CDIP1: variants seen among roughly 807,000 people sequenced by gnomAD.
CDIP1 encodes the protein cell death-inducing p53-target protein 1.
CDIP1 carries 9 observed loss-of-function variants against 17.7 expected under a neutral mutation model. The observed-to-expected ratio is 0.51, with a 90% CI of 0.31 to 0.89. The LOEUF (loss-of-function observed/expected upper bound fraction) is 0.89, where lower values mean the gene tolerates loss of function less well. Among genes scored for constraint, CDIP1 ranks in the 40% least tolerant of loss-of-function variants. CDIP1 has a pLI of 0.05. For missense variants in CDIP1, 263 were observed against 277.9 expected, an observed-to-expected ratio of 0.95 and a Z score of 0.38; for synonymous variants, 117 against 109.5, an observed-to-expected ratio of 1.07 and a Z score of -0.43.
Position 4,521,394 on chromosome 16 carries a change from G to A in CDIP1, c.-104-6730C>T, listed in dbSNP as rs186404347. ...ACCCCCACTAGAAGTTAAGGGGTGC[G>A]TATCAGCCAAGTGCAGGGCTGGGAC... On this transcript the variant is annotated intron_variant, in intron 1 of 5. Coordinates refer to ENST00000567695, the MANE Select transcript of CDIP1 (RefSeq NM_013399.3). Among the ~76,000 whole-genome samples, 274 of 152,218 alleles carry A rather than the reference G, an allele frequency of 1.8e-3. 2 individuals carry two copies. The highest frequency in any genetic ancestry group is 5.9e-3 in the African/African-American group (247 of 41,546).
intron 1 of CDIP1, among the ~76,000 whole-genome samples, chr16:4,537,628 T>C (rs1318957053): frequency 1.3e-5 from 2 of 152,182 alleles, no homozygotes; most frequent in Non-Finnish European, 2.9e-5. Flanking sequence ...CGCCCGGGAA[T>C]GATCTGGGGA....
At chr16:4,528,499 C>T (rs1168770983) in intron 1 of CDIP1, among the ~76,000 whole-genome samples, 3 of 151,982 alleles carry the variant, frequency 2.0e-5, no homozygotes, top group Non-Finnish European at 4.4e-5. Context: ...GTAGGCAGCA[C>T]CTTTACATGA....
intron 1 of CDIP1, among the ~76,000 whole-genome samples, chr16:4,528,950 T>C (rs1291611983): frequency 1.3e-5 from 2 of 152,060 alleles, no homozygotes; most frequent in African/African-American, 2.4e-5. Context: ...GGTCGCATCA[T>C]TGTACTCCAG....
chr16:4,525,268 G>A (rs990386964), intron 1 of CDIP1, among the ~76,000 whole-genome samples: 1 of 152,186 alleles, frequency 6.6e-6, no homozygotes, highest in East Asian at 1.9e-4. Context: ...GGGAAGGCTG[G>A]AGCAGATGCT....
chr16:4,535,881 G>C (rs886798886), intron 1 of CDIP1, among the ~76,000 whole-genome samples: 6 of 132,082 alleles, frequency 4.5e-5, no homozygotes, highest in African/African-American at 1.9e-4. Flanking sequence ...GTGGCTTGGA[G>C]ACTCCTGACT....
intron 1 of CDIP1, among the ~76,000 whole-genome samples, chr16:4,538,022 G>A (rs531631122): frequency 6.6e-6 from 1 of 152,328 alleles, no homozygotes; most frequent in South Asian, 2.1e-4. Flanking sequence ...GGCAGGGGCT[G>A]GCTCGGCCAC....
chr16:4,520,335 C>T (rs1458433873), intron 1 of CDIP1, among the ~76,000 whole-genome samples: 1 of 152,140 alleles, frequency 6.6e-6, no homozygotes, highest in Non-Finnish European at 1.5e-5. Context: ...AATCTCTTGA[C>T]CTCGTCATCT....
intron 1 of CDIP1, among the ~76,000 whole-genome samples, chr16:4,517,331 G>A (rs751564884): frequency 6.6e-5 from 10 of 152,180 alleles, no homozygotes; most frequent in Non-Finnish European, 8.8e-5. Flanking sequence ...ATTATCCACA[G>A]AAGACATGGA....
chr16:4,537,579 G>A (rs2059121653), intron 1 of CDIP1, among the ~76,000 whole-genome samples: 1 of 152,066 alleles, frequency 6.6e-6, no homozygotes, highest in African/African-American at 2.4e-5. Context: ...CCCCGGGCCC[G>A]CCAACCCCCT....
rs771337745 is a variant in CDIP1 at position 4,514,009 on chromosome 16, G to C, written c.85+37C>G. 6 of 1,378,076 alleles carry C rather than the reference G, an allele frequency of 4.4e-6. No homozygotes were observed. Among genetic ancestry groups the C allele is most frequent in the Non-Finnish European group, 5.9e-6 (6 of 1,020,700 alleles). The allele number at this position is 1,378,076 out of a possible 1,614,324, so 85.4% of individuals were successfully genotyped here. A position where few individuals can be genotyped will look rare whatever the true frequency, so the allele number is the denominator to read the frequency against. On this transcript the variant is annotated intron_variant, in intron 3 of 5. Coordinates refer to ENST00000567695, the MANE Select transcript of CDIP1 (RefSeq NM_013399.3). The surrounding 1 kb of genome is among the most constrained non-coding windows in gnomAD (Gnocchi z 5.2). ...CCCAACCATGCCATGGCGGCAGGGG[G>C]CTGCAATATGGAGCCTCAGGAACAG... is the stretch of plus-strand genomic sequence containing the variant.
intron 1 of CDIP1, among the ~76,000 whole-genome samples, chr16:4,520,769 TA>T (rs1596489007): frequency 6.6e-6 from 1 of 152,162 alleles, no homozygotes; most frequent in Non-Finnish European, 1.5e-5. Flanking sequence ...TATACAAAAA[TA>T]AAAGGTCAGT....
intron 1 of CDIP1, among the ~76,000 whole-genome samples, chr16:4,537,198 CAA>C (rs1016755402): frequency 7.2e-5 from 11 of 152,274 alleles, no homozygotes; most frequent in Non-Finnish European, 1.5e-4. Context: ...ACACAAAAAA[CAA>C]GAGGGACTGC....
At chr16:4,523,468 C>T (rs900785788) in intron 1 of CDIP1, among the ~76,000 whole-genome samples, 12 of 152,032 alleles carry the variant, frequency 7.9e-5, no homozygotes, top group South Asian at 2.1e-4. Context: ...GAGCCAAGAT[C>T]GCGCCACTGC....
intron 1 of CDIP1, among the ~76,000 whole-genome samples, chr16:4,523,131 C>A (rs1478086506): frequency 6.6e-6 from 1 of 152,178 alleles, no homozygotes; most frequent in African/African-American, 2.4e-5. Flanking sequence ...GACCACGTAA[C>A]AGAGGCCCTC....
chr16:4,513,544 C>T lies in CDIP1; in HGVS notation c.241+152G>A. ...ACCTTCCCACGTCCACAGTCCCTGT[C>T]CACACACAGCCTGAGCCCTAGGCAA... is the stretch of plus-strand genomic sequence containing the variant. On this transcript the variant is annotated intron_variant, in intron 4 of 5. Coordinates refer to ENST00000567695, the MANE Select transcript of CDIP1 (RefSeq NM_013399.3). This position sits in a 1 kb window ranked among gnomAD's most constrained non-coding sequence, Gnocchi z 4.1. 1 of 697,892 alleles carries T rather than the reference C, an allele frequency of 1.4e-6. No individual in the cohort carries two copies. Among genetic ancestry groups the T allele is most frequent in the East Asian group, 2.6e-5 (1 of 38,154 alleles). The allele number at this position is 697,892 out of a possible 1,614,324, so 43.2% of individuals were successfully genotyped here.
Position 4,513,072 on chromosome 16 carries a change from G to A in CDIP1, c.242-8C>T, listed in dbSNP as rs371367922. 2 of 1,580,186 alleles carry A rather than the reference G, an allele frequency of 1.3e-6. No individual in the cohort carries two copies. The highest frequency in any genetic ancestry group is 1.3e-5 in the African/African-American group (1 of 74,146). On this transcript the variant is annotated splice_polypyrimidine_tract_variant and splice_region_variant and intron_variant, in intron 4 of 5. Coordinates refer to ENST00000567695, the MANE Select transcript of CDIP1 (RefSeq NM_013399.3). The surrounding 1 kb of genome is among the most constrained non-coding windows in gnomAD (Gnocchi z 4.1). ...CTGGAGGAGGGTAGAAACCTGGAAT[G>A]GCACAGAAGATGGAGGCGAGAGGTC...
At position 4,533,668 on chromosome 16, in the gene CDIP1, C is replaced by T. The variant is rs72768362; in HGVS notation, c.-105+5034G>A. The T allele has an allele frequency of 4.0e-3, 611 of 152,334 alleles. 2 individuals are homozygous for T. The highest frequency in any genetic ancestry group is 6.7e-3 in the Non-Finnish European group (456 of 68,090). 9.4% of individuals were successfully genotyped at this position (152,334 alleles called of 1,614,324 possible). A position where few individuals can be genotyped will look rare whatever the true frequency, so the allele number is the denominator to read the frequency against. Reference sequence around the variant, plus strand: ...CCATATCCCAGATCTACCACCGGATCGTAACTCACACTCCTCCAAACTATC... The same window carrying T: ...CCATATCCCAGATCTACCACCGGATTGTAACTCACACTCCTCCAAACTATC... On this transcript the variant is annotated intron_variant, in intron 1 of 5. Transcript: ENST00000567695.
In CDIP1 at chr16:4,511,649, G is replaced by A. The variant is rs1206718114; in HGVS notation, c.*923C>T. ...ACTTACAGGGAAGAAAATCCATGGA[G>A]AAGGCTCTGCACATCCAAGCGCACC... On this transcript the variant is annotated 3_prime_UTR_variant, in exon 6 of 6. Transcript: ENST00000567695. 1 of 152,452 alleles carries A rather than the reference G, an allele frequency of 6.6e-6. No individual in the cohort carries two copies. The highest frequency in any genetic ancestry group is 1.5e-5 in the Non-Finnish European group (1 of 68,228). 9.4% of individuals were successfully genotyped at this position (152,452 alleles called of 1,614,324 possible).
At chr16:4,525,486 G>A (rs1317978403) in intron 1 of CDIP1, among the ~76,000 whole-genome samples, 1 of 152,158 alleles carries the variant, frequency 6.6e-6, no homozygotes, top group Non-Finnish European at 1.5e-5. Flanking sequence ...TGCTCCAAGT[G>A]AGGAGGTGCT....
Sources: gnomAD v4.1 joint callset for allele counts (sites outside exome capture counted in the v4.1 genomes callset) on GRCh38, gnomAD v4.1.1 for gene constraint, Gnocchi (gnomAD v3.1) non-coding constraint, MANE v1.5 for transcripts, NCBI Gene and HGNC (gene_info 2026-07-23, HGNC 2026-07-21) for gene names.